The following TET2 variants were observed in gnomAD, a reference collection of about 807,000 sequenced individuals.
TET2 encodes the protein tet methylcytosine dioxygenase 2.
In TET2, 299 loss-of-function variants were observed where a neutral mutation model predicts 142.9. The observed-to-expected ratio is 2.09, with a 90% CI of 1.90 to 2.30. TET2 has a LOEUF of 2.30. Ranked by LOEUF, TET2 falls within the 30% of genes most tolerant of loss-of-function variation. The pLI is 0.00. For synonymous variants in TET2, 819 were observed against 849.0 expected (o/e 0.96, Z 0.61); for missense variants, 2,418 against 2,378.0 (o/e 1.02, Z -0.35).
chr4:105,162,670 A>G (rs1304050375), intron 1 of TET2, among the ~76,000 whole-genome samples: 2 of 152,156 alleles, frequency 1.3e-5, no homozygotes, highest in African/African-American at 2.4e-5. Context: ...ATCTCTAATA[A>G]TGTTGCTGCA....
At chr4:105,241,914 G>A in intron 4 of TET2, 1 of 1,236,692 alleles carries the variant, frequency 8.1e-7, no homozygotes, top group Non-Finnish European at 1.0e-6. Context: ...TGAATAGAAA[G>A]AGAAACATAC....
intron 2 of TET2, among the ~76,000 whole-genome samples, chr4:105,200,647 GT>G (rs1560746961): frequency 1.5e-4 from 23 of 149,336 alleles, no homozygotes; most frequent in African/African-American, 5.3e-4. Context: ...TGTTTGTTTT[GT>G]TTTTGTTTTT....
intron 2 of TET2, among the ~76,000 whole-genome samples, chr4:105,205,232 T>C (rs552439956): frequency 2.0e-5 from 3 of 152,330 alleles, no homozygotes; most frequent in African/African-American, 7.2e-5. Context: ...AGCTTTATTA[T>C]TTGCAGTATT....
At position 105,236,191 on chromosome 4, in the gene TET2, T is replaced by G; in HGVS notation, c.2249T>G (p.Ile750Arg). The G allele has an allele frequency of 6.2e-7, 1 of 1,613,732 alleles. No homozygotes were observed. The highest frequency in any genetic ancestry group is 8.5e-7 in the Non-Finnish European group (1 of 1,179,920). ...QNQQQQQKLQ[I>R]KNKEEILQTF... ...CAGCAACAGCAGCAAAAATTACAAA[T>G]AAAGAATAAAGAGGAAATACTCCAG... The change falls in exon 3 of 11, where the codon ATA becomes AGA. Residue 750 changes from isoleucine (I) to arginine (R), a missense_variant. Physicochemically the swap from Ile to Arg is moderately conservative, Grantham distance 97 (BLOSUM62 -3). Coordinates refer to ENST00000380013, the MANE Select transcript of TET2 (RefSeq NM_001127208.3).
chr4:105,234,289 A>G lies in TET2; in HGVS notation c.347A>G (p.Gln116Arg). ...CAGATCAAGAAATTGAAACAAGACC[A>G]AAAGGCTAATGGAGAAAGACGTAAC... ...LLQIKKLKQD[Q>R]KANGERRNFG... The change falls in exon 3 of 11, where the codon CAA becomes CGA. Residue 116 changes from glutamine to arginine, a missense_variant. Transcript: ENST00000380013. The G allele has an allele frequency of 1.2e-6, 2 of 1,614,106 alleles. No homozygotes were observed. The highest frequency in any genetic ancestry group is 2.2e-5 in the East Asian group (1 of 44,848).
At position 105,277,718 on chromosome 4, in the gene TET2, G is replaced by A; in HGVS notation, c.*1199G>A. 1 of 227,860 alleles carries A rather than the reference G, an allele frequency of 4.4e-6. No individual in the cohort carries two copies. Among genetic ancestry groups the A allele is most frequent in the Non-Finnish European group, 8.7e-6 (1 of 114,768 alleles). The allele number at this position is 227,860 out of a possible 1,614,324, so 14.1% of individuals were successfully genotyped here. A position where few individuals can be genotyped will look rare whatever the true frequency, so the allele number is the denominator to read the frequency against. On this transcript the variant is annotated 3_prime_UTR_variant, in exon 11 of 11. Coordinates refer to ENST00000380013, the MANE Select transcript of TET2 (RefSeq NM_001127208.3). ...CTGTAAAACAGTTTTATACAAAATT[G>A]TATGACAAGTTCATTGCTCAAAAAT... is the stretch of plus-strand genomic sequence containing the variant.
chr4:105,225,467 G>T (rs1728132501), intron 2 of TET2, among the ~76,000 whole-genome samples: 2 of 152,196 alleles, frequency 1.3e-5, no homozygotes, highest in South Asian at 4.2e-4. Context: ...GTTGTAGGTA[G>T]CTTTGATGAA....
intron 6 of TET2, among the ~76,000 whole-genome samples, chr4:105,244,791 C>T (rs1400746038): frequency 6.6e-6 from 1 of 152,034 alleles, no homozygotes; most frequent in Non-Finnish European, 1.5e-5. Flanking sequence ...GACAGGGTTT[C>T]TCCATGTTGG....
chr4:105,159,756 C>T (rs1393571638), intron 1 of TET2, among the ~76,000 whole-genome samples: 1 of 152,148 alleles, frequency 6.6e-6, no homozygotes, highest in Non-Finnish European at 1.5e-5. Context: ...TGGCTCACGC[C>T]TGTAATCCCG....
At chr4:105,168,205 T>C (rs555458789) in intron 1 of TET2, among the ~76,000 whole-genome samples, 76 of 152,258 alleles carry the variant, frequency 5.0e-4, no homozygotes, top group African/African-American at 1.7e-3. Context: ...CTCCTCTGCT[T>C]AAAACCATTA....
intron 2 of TET2, among the ~76,000 whole-genome samples, chr4:105,195,781 T>TG (rs1243023180): frequency 4.6e-5 from 7 of 152,152 alleles, no homozygotes; most frequent in South Asian, 4.1e-4. Flanking sequence ...TGAATACCCA[T>TG]GGGGGGCTGA....
intron 3 of TET2, chr4:105,240,933 A>T (rs2110247463): frequency 9.2e-7 from 1 of 1,081,712 alleles, no homozygotes; most frequent in East Asian, 5.0e-5. Flanking sequence ...AGGAAATTTT[A>T]TTTTTAATCT....
At chr4:105,229,526 G>A (rs1273576984) in intron 2 of TET2, among the ~76,000 whole-genome samples, 2 of 151,872 alleles carry the variant, frequency 1.3e-5, no homozygotes, top group African/African-American at 4.8e-5. Context: ...GGCCAAGATG[G>A]TCTCGATCTC....
At position 105,237,237 on chromosome 4, in the gene TET2, TCTGTTCTC is replaced by T. The variant is rs1395847139; in HGVS notation, c.3296_3303del (p.Ser1099Ter). The T allele has an allele frequency of 6.2e-7, 1 of 1,614,000 alleles. No homozygotes were observed. The highest frequency in any genetic ancestry group is 8.5e-7 in the Non-Finnish European group (1 of 1,180,006). ...GACACCAACCAAAAGAACAGCTGCT[TCTGTTCTC>T]AATAATTTTATAGAGTCACCTTCCA... is the stretch of plus-strand genomic sequence containing the variant. On this transcript the variant is annotated frameshift_variant, in exon 3 of 11. Transcript: ENST00000380013. LOFTEE classifies it high-confidence loss of function.
Position 105,272,621 on chromosome 4 carries a change from C to T in TET2, c.4240C>T (p.Gln1414Ter). The change falls in exon 10 of 11, where the codon CAG becomes TAG. Residue 1414 changes from glutamine (Q) to a stop codon, truncating the protein, a stop_gained. Transcript: ENST00000380013. LOFTEE classifies it high-confidence loss of function. ...ATTTGGAGGAAAACCTGAGGATGAG[C>T]AGCTTCACGTTCTGCCTTTATACAA... is the stretch of plus-strand genomic sequence containing the variant. ...REFGGKPEDE[Q>*]LHVLPLYKVS... The T allele has an allele frequency of 2.6e-6, 4 of 1,550,322 alleles. No individual in the cohort carries two copies. Among genetic ancestry groups the T allele is most frequent in the Non-Finnish European group, 1.7e-6 (2 of 1,146,556 alleles).
intron 2 of TET2, among the ~76,000 whole-genome samples, chr4:105,210,273 G>T (rs1296347774): frequency 6.6e-6 from 1 of 152,122 alleles, no homozygotes; most frequent in Non-Finnish European, 1.5e-5. Context: ...AATAAAATAG[G>T]TCATTCAGTA....
At position 105,233,855 on chromosome 4, in the gene TET2, T is replaced by TAGAA. The variant is rs1728658873; in HGVS notation, c.-46-40_-46-37dup. On this transcript the variant is annotated intron_variant, in intron 2 of 10. Transcript: ENST00000380013. Reference sequence around the variant, plus strand: ...TTTTATAGATAGATAGATAGATAGATAGAAATAAACACATTTTAATTTTTG... The same window carrying TAGAA: ...TTTTATAGATAGATAGATAGATAGATAGAAAGAAATAAACACATTTTAATTTTTG... 4.4e-6 allele frequency: 4 copies of TAGAA among 904,894 alleles called. No individual in the cohort carries two copies. The East Asian group carries it at 1.1e-4, about 24-fold the overall frequency. 56.1% of individuals were successfully genotyped at this position (904,894 alleles called of 1,614,324 possible). A position where few individuals can be genotyped will look rare whatever the true frequency, so the allele number is the denominator to read the frequency against.
intron 2 of TET2, among the ~76,000 whole-genome samples, chr4:105,206,743 A>C (rs1726849137): frequency 6.6e-6 from 1 of 151,990 alleles, no homozygotes; most frequent in African/African-American, 2.4e-5. Context: ...TTTTTCTTTG[A>C]CTGTTTAAAT....
chr4:105,196,273 C>G (rs892822010), intron 2 of TET2, among the ~76,000 whole-genome samples: 3 of 151,900 alleles, frequency 2.0e-5, no homozygotes, highest in Non-Finnish European at 4.4e-5. Context: ...TATGGATACC[C>G]ATTTCAGACT....
Sources: allele counts gnomAD v4.1 joint callset (sites outside exome capture counted in the v4.1 genomes callset), GRCh38; gene constraint gnomAD v4.1.1; transcripts MANE v1.5; gene names NCBI Gene and HGNC (gene_info 2026-07-23, HGNC 2026-07-21).